The following SYNE2 variants were observed in gnomAD, a reference collection of about 807,000 sequenced individuals.
SYNE2 encodes the protein nesprin-2.
A neutral mutation model predicts 856.3 loss-of-function variants in SYNE2; 431 were observed. The observed-to-expected ratio is 0.50, with a 90% CI of 0.47 to 0.55. The LOEUF (loss-of-function observed/expected upper bound fraction) is 0.55. Ranked by LOEUF, SYNE2 falls within the 20% of genes least tolerant of loss-of-function variation. SYNE2 has a pLI of 0.00. For missense variants in SYNE2, 8,129 were observed against 8,023.2 expected (o/e 1.01, Z -0.50); for synonymous variants, 2,923 against 2,872.3 (o/e 1.02, Z -0.56).
At chr14:64,080,674 G>A in intron 56 of SYNE2, 36 bp downstream of exon 56, 1 of 1,609,134 alleles carries the variant, frequency 6.2e-7, no homozygotes, top group Non-Finnish European at 8.5e-7. Flanking sequence ...CATATCATGT[G>A]GTGGTATTGA....
chr14:64,129,181 G>T (rs1486170054), intron 74 of SYNE2, among the ~76,000 whole-genome samples: 1 of 152,178 alleles, frequency 6.6e-6, no homozygotes, highest in African/African-American at 2.4e-5. Flanking sequence ...GTGGCACACG[G>T]CTGTAGTCCC....
intron 1 of SYNE2, among the ~76,000 whole-genome samples, chr14:63,785,236 A>T (rs1305150157): frequency 6.6e-6 from 1 of 152,010 alleles, no homozygotes; most frequent in Non-Finnish European, 1.5e-5. Flanking sequence ...AAGCGGGCAG[A>T]TCATCTGAGC....
At chr14:64,206,197 A>G (rs1202572294) in intron 100 of SYNE2, among the ~76,000 whole-genome samples, 1 of 152,090 alleles carries the variant, frequency 6.6e-6, no homozygotes, top group Non-Finnish European at 1.5e-5. Flanking sequence ...CCCCAACCTC[A>G]GGGTTATGTG....
intron 8 of SYNE2, chr14:63,960,778 G>A (rs373917401): frequency 1.3e-6 from 1 of 763,416 alleles, no homozygotes; most frequent in African/African-American, 1.7e-5. Flanking sequence ...TATATGCCTG[G>A]CACAGTGTCT....
At chr14:64,049,452 A>ATAATAG in intron 46 of SYNE2, among the ~76,000 whole-genome samples, 159 bp from the exon 47 acceptor site, 1 of 149,590 alleles carries the variant, frequency 6.7e-6, no homozygotes, top group Middle Eastern at 3.5e-3. Context: ...AATAATAATA[A>ATAATAG]TAATAATTTT....
intron 1 of SYNE2, among the ~76,000 whole-genome samples, chr14:63,764,400 T>C (rs1029420828): frequency 2.0e-5 from 3 of 152,138 alleles, no homozygotes; most frequent in African/African-American, 4.8e-5. Context: ...CCAGCTGCAA[T>C]GGCTCACGCC....
At chr14:63,879,534 T>G (rs1397113053) in intron 1 of SYNE2, among the ~76,000 whole-genome samples, 1 of 152,178 alleles carries the variant, frequency 6.6e-6, no homozygotes, top group Non-Finnish European at 1.5e-5. Context: ...GGCTGGTGTA[T>G]CCTATGAAGG....
At chr14:64,187,131 A>C (rs2098495747) in intron 97 of SYNE2, among the ~76,000 whole-genome samples, 1 of 152,244 alleles carries the variant, frequency 6.6e-6, no homozygotes, top group Non-Finnish European at 1.5e-5. Flanking sequence ...TAAGAATGGG[A>C]TTGTATTAAT....
chr14:64,160,005 T>C (rs1442842260), intron 87 of SYNE2, among the ~76,000 whole-genome samples: 44 of 152,160 alleles, frequency 2.9e-4, no homozygotes, highest in Admixed American at 2.9e-3. Context: ...ACCAATTGAT[T>C]AGAGATAGGG....
At chr14:63,771,563 C>T (rs990057389) in intron 1 of SYNE2, among the ~76,000 whole-genome samples, 2 of 152,056 alleles carry the variant, frequency 1.3e-5, no homozygotes, top group African/African-American at 4.8e-5. Context: ...AATAGCAAAA[C>T]CTGGAAACGT....
intron 8 of SYNE2, among the ~76,000 whole-genome samples, chr14:63,958,284 C>T (rs911028981): frequency 6.6e-6 from 1 of 152,086 alleles, no homozygotes; most frequent in Non-Finnish European, 1.5e-5. Flanking sequence ...CTTTCAATAT[C>T]CCAGCCAGGA....
chr14:64,147,922 G>A (rs2098201708), intron 84 of SYNE2, among the ~76,000 whole-genome samples: 1 of 152,132 alleles, frequency 6.6e-6, no homozygotes, highest in Admixed American at 6.5e-5. Context: ...AAGTAGGGGT[G>A]GAAATTATAT....
chr14:64,127,504 C>T (rs1324064575), intron 73 of SYNE2, among the ~76,000 whole-genome samples: 1 of 152,088 alleles, frequency 6.6e-6, no homozygotes, highest in African/African-American at 2.4e-5. Context: ...TCTTGTATTA[C>T]ATTTAGCCAT....
intron 1 of SYNE2, among the ~76,000 whole-genome samples, chr14:63,908,384 C>A (rs1031852761): frequency 1.3e-5 from 2 of 152,080 alleles, no homozygotes; most frequent in African/African-American, 4.8e-5. Flanking sequence ...TGGGAGAAGT[C>A]GGTGTTTTAT....
chr14:64,175,016 C>T lies in SYNE2; in HGVS notation c.17308C>T (p.Leu5770Phe). The T allele has an allele frequency of 6.2e-7, 1 of 1,614,138 alleles. No individual in the cohort carries two copies. Among genetic ancestry groups the T allele is most frequent in the Non-Finnish European group, 8.5e-7 (1 of 1,180,022 alleles). ...CTTGGAAGCTGGAGAAAAGTTACTG[C>T]TCACAACTGACCTGAAAACTAAAGA... is the stretch of plus-strand genomic sequence containing the variant. ...LTLEAGEKLL[L>F]TTDLKTKESV... Residue 5770 changes from leucine (L) to phenylalanine (F), a missense_variant, in exon 95 of 116, where the codon CTC becomes TTC. This residue lies in a region of SYNE2 where 5,410 missense variants were observed against 5,284.8 expected (regional missense o/e 1.02). Coordinates refer to ENST00000555002, the MANE Select transcript of SYNE2 (RefSeq NM_182914.3).
intron 1 of SYNE2, among the ~76,000 whole-genome samples, chr14:63,903,862 CT>C (rs1365445543): frequency 6.9e-6 from 1 of 145,400 alleles, no homozygotes; most frequent in Admixed American, 6.9e-5. Context: ...TAAATTTCAA[CT>C]TTTATTTTAG....
intron 2 of SYNE2, among the ~76,000 whole-genome samples, chr14:63,909,654 C>T (rs1464774021): frequency 2.6e-5 from 4 of 152,110 alleles, no homozygotes; most frequent in African/African-American, 7.2e-5. Flanking sequence ...CCAGCCTGAC[C>T]AACATGGGGA....
intron 49 of SYNE2, among the ~76,000 whole-genome samples, chr14:64,059,493 T>C (rs973097412): frequency 6.6e-6 from 1 of 150,690 alleles, no homozygotes; most frequent in Admixed American, 6.6e-5. Context: ...GCAGAGACTC[T>C]TGTTGTTTTC....
chr14:64,140,863 A>C (rs2098133598), intron 80 of SYNE2, among the ~76,000 whole-genome samples: 1 of 152,060 alleles, frequency 6.6e-6, no homozygotes, highest in Non-Finnish European at 1.5e-5. Flanking sequence ...CAATGCATTT[A>C]TGAAACGTAG....
Sources: gnomAD v4.1 joint callset for allele counts (sites outside exome capture counted in the v4.1 genomes callset) on GRCh38, gnomAD v4.1.1 for gene constraint, gnomAD v4.1.1 regional missense constraint, MANE v1.5 for transcripts, NCBI Gene and HGNC (gene_info 2026-07-23, HGNC 2026-07-21) for gene names.